The following PSD3 variants were observed in gnomAD, a reference collection of about 807,000 sequenced individuals.
PSD3 encodes pleckstrin and Sec7 domain containing 3.
PSD3 carries 49 observed loss-of-function variants against 105.5 expected under a neutral mutation model. That is an observed-to-expected ratio of 0.46 (90% confidence interval 0.37 to 0.59). The LOEUF (loss-of-function observed/expected upper bound fraction) is 0.59. Ranked by LOEUF, PSD3 falls within the 20% of genes least tolerant of loss-of-function variation. PSD3 has a pLI of 0.00. For synonymous variants in PSD3, 557 were observed against 457.8 expected, an observed-to-expected ratio of 1.22 and a Z score of -2.77; for missense variants, 1,561 against 1,263.8, an observed-to-expected ratio of 1.24 and a Z score of -3.57.
chr8:18,921,027 T>C (rs1203159104), intron 2 of PSD3, among the ~76,000 whole-genome samples: 1 of 152,196 alleles, frequency 6.6e-6, no homozygotes, highest in South Asian at 2.1e-4. Flanking sequence ...TAACAGAAAT[T>C]GCTGGTGAAA....
At chr8:18,790,113 A>G (rs1369309783) in intron 8 of PSD3, among the ~76,000 whole-genome samples, 1 of 152,120 alleles carries the variant, frequency 6.6e-6, no homozygotes, top group African/African-American at 2.4e-5. Context: ...GATGGAAAAA[A>G]GGAAAGAAGG....
chr8:19,068,638 C>A (rs952553144), intron 1 of PSD3, among the ~76,000 whole-genome samples: 2 of 152,066 alleles, frequency 1.3e-5, no homozygotes, highest in Non-Finnish European at 2.9e-5. Flanking sequence ...AGAACTGACA[C>A]GTCCTTGCGA....
At chr8:18,987,439 C>T (rs1256678368) in intron 1 of PSD3, among the ~76,000 whole-genome samples, 1 of 152,086 alleles carries the variant, frequency 6.6e-6, no homozygotes, top group Non-Finnish European at 1.5e-5. Context: ...AGGCACCCGC[C>T]ACCACGCCTG....
rs536920817 is a variant in PSD3, at chr8:19,002,992, T to A, written c.21+10571A>T. Among the ~76,000 whole-genome samples, 36 of 152,202 alleles carry A rather than the reference T, an allele frequency of 2.4e-4. 1 individual carries two copies. In the South Asian group the frequency reaches 7.5e-3, roughly 32 times the overall value. ...AGCTAAGTATAACCTACCATCCAGG[T>A]CACATTTACTGCCTACTTACTGTCT... On this transcript the variant is annotated intron_variant, in intron 1 of 15. Coordinates refer to ENST00000327040, the MANE Select transcript of PSD3 (RefSeq NM_015310.4).
intron 8 of PSD3, among the ~76,000 whole-genome samples, chr8:18,784,641 G>C (rs910752474): frequency 6.6e-6 from 1 of 152,144 alleles, no homozygotes; most frequent in African/African-American, 2.4e-5. Context: ...AGGGCTCACA[G>C]AACTCAGGGA....
At chr8:18,909,444 G>A (rs924466407) in intron 2 of PSD3, among the ~76,000 whole-genome samples, 2 of 151,794 alleles carry the variant, frequency 1.3e-5, no homozygotes, top group Non-Finnish European at 2.9e-5. Context: ...CTTGCTTCTC[G>A]GCTATTTTGT....
At chr8:18,750,309 C>A (rs985460165) in intron 9 of PSD3, among the ~76,000 whole-genome samples, 20 of 151,870 alleles carry the variant, frequency 1.3e-4, no homozygotes, top group Admixed American at 3.3e-4. Flanking sequence ...ATGTGTTCGG[C>A]GTTTCTTCCT....
At chr8:18,716,157 G>C (rs1802577832) in intron 9 of PSD3, among the ~76,000 whole-genome samples, 1 of 151,598 alleles carries the variant, frequency 6.6e-6, no homozygotes, top group South Asian at 2.1e-4. Flanking sequence ...TGATTTATCA[G>C]GTATTAAACA....
At chr8:18,673,618 C>T (rs956869400) in intron 9 of PSD3, among the ~76,000 whole-genome samples, 3 of 152,142 alleles carry the variant, frequency 2.0e-5, no homozygotes, top group Admixed American at 2.0e-4. Context: ...GATTCCCTCT[C>T]CCCCTCTGCT....
At chr8:18,712,166 A>T (rs1802294471) in intron 9 of PSD3, among the ~76,000 whole-genome samples, 1 of 152,136 alleles carries the variant, frequency 6.6e-6, no homozygotes, top group South Asian at 2.1e-4. Context: ...CCCACAGCAA[A>T]AAGCTACAAA....
At chr8:19,061,357 A>G (rs1187365413) in intron 1 of PSD3, among the ~76,000 whole-genome samples, 2 of 152,168 alleles carry the variant, frequency 1.3e-5, no homozygotes, top group Non-Finnish European at 2.9e-5. Context: ...AAATTTAATC[A>G]CTGGCGACAA....
At chr8:19,032,031 A>G (rs954947479) in intron 1 of PSD3, among the ~76,000 whole-genome samples, 2 of 152,256 alleles carry the variant, frequency 1.3e-5, no homozygotes, top group East Asian at 1.9e-4. Context: ...CACACTGAAC[A>G]TGACTTGGGA....
rs563340531 is a variant in PSD3, at chr8:18,556,343, G to T, written c.2794C>A (p.Leu932Met). 1.0e-4 allele frequency: 163 copies of T among 1,611,788 alleles called. No homozygotes were observed. The highest frequency in any genetic ancestry group is 2.3e-4 in the Admixed American group (14 of 59,660). The change falls in exon 15 of 16, where the codon CTG (leucine) becomes ATG (methionine). Residue 932 changes from leucine to methionine, a missense_variant. Transcript: ENST00000327040. ...TTTKLSQEEQ[L>M]KSHESKLKQI... ...TTCAGCTTACTTTCATGTGACTTCA[G>T]TTGCTCCTCCTGCAGGAAATCATGA...
At chr8:18,655,798 G>T in intron 9 of PSD3, 113 bp from the exon 10 acceptor site, 1 of 958,274 alleles carries the variant, frequency 1.0e-6, no homozygotes, top group Non-Finnish European at 1.6e-6. Flanking sequence ...AGCCCCCCTT[G>T]TCAGTCACCT....
At chr8:18,605,111 C>A (rs117012398) in intron 11 of PSD3, among the ~76,000 whole-genome samples, 5,755 of 152,218 alleles carry the variant, frequency 0.038, 163 homozygotes, top group Non-Finnish European at 0.064. Flanking sequence ...CATTGTCCTC[C>A]AGACCTCAGA....
At chr8:18,602,072 A>G (rs530932402) in intron 11 of PSD3, among the ~76,000 whole-genome samples, 1 of 152,322 alleles carries the variant, frequency 6.6e-6, no homozygotes, top group East Asian at 1.9e-4. Context: ...GCATTGGCTA[A>G]TGCTGGAATG....
intron 4 of PSD3, among the ~76,000 whole-genome samples, chr8:18,858,878 T>G (rs576672788): frequency 6.6e-6 from 1 of 152,316 alleles, no homozygotes; most frequent in East Asian, 1.9e-4. Context: ...AGGTTGGAAT[T>G]AACATCTTCC....
chr8:19,005,471 A>C (rs1367126742), intron 1 of PSD3, among the ~76,000 whole-genome samples: 1 of 151,604 alleles, frequency 6.6e-6, no homozygotes, highest in Non-Finnish European at 1.5e-5. Flanking sequence ...ATGGGTCTGG[A>C]ATTTTTGGGG....
chr8:18,576,886 G>C (rs1802492228), intron 12 of PSD3, among the ~76,000 whole-genome samples: 1 of 139,878 alleles, frequency 7.1e-6, no homozygotes, highest in African/African-American at 2.5e-5. Context: ...AAATTTGTGT[G>C]TACTTTTTTT....
Sources: allele counts gnomAD v4.1 joint callset (sites outside exome capture counted in the v4.1 genomes callset), GRCh38; gene constraint gnomAD v4.1.1; transcripts MANE v1.5; gene names NCBI Gene and HGNC (gene_info 2026-07-23, HGNC 2026-07-21).